OGDHL: variants seen among roughly 807,000 people sequenced by gnomAD.
OGDHL encodes the protein oxoglutarate dehydrogenase L.
A neutral mutation model predicts 109.6 loss-of-function variants in OGDHL; 79 were observed. The ratio of observed to expected loss-of-function variants is 0.72; its 90% CI spans 0.60 to 0.87. The LOEUF is 0.87. Among genes scored for constraint, OGDHL ranks in the 40% least tolerant of loss-of-function variants. The pLI, the probability that OGDHL is intolerant of heterozygous loss-of-function variation, is 0.00. For missense variants in OGDHL, 1,275 were observed against 1,362.2 expected, an observed-to-expected ratio of 0.94 and a Z score of 1.01; for synonymous variants, 528 against 537.2, an observed-to-expected ratio of 0.98 and a Z score of 0.24.
chr10:49,744,837 C>A, intron 12 of OGDHL, 85 bp from the exon 13 acceptor site: 3 of 1,072,108 alleles, frequency 2.8e-6, no homozygotes, highest in South Asian at 2.6e-5. Context: ...AAGTCCTGGT[C>A]CCCATCACCA....
intron 3 of OGDHL, among the ~76,000 whole-genome samples, chr10:49,753,527 A>T (rs1842738096): frequency 6.6e-6 from 1 of 152,246 alleles, no homozygotes; most frequent in Non-Finnish European, 1.5e-5. Flanking sequence ...CTAATGGAAC[A>T]TTCCCTAAAG....
At chr10:49,756,634 G>A in intron 3 of OGDHL, 142 bp downstream of exon 3, 1 of 772,078 alleles carries the variant, frequency 1.3e-6, no homozygotes, top group African/African-American at 1.7e-5. Context: ...ACTGGCTAGA[G>A]GAGTAGGTGC....
chr10:49,741,664 C>T (rs115935770), intron 15 of OGDHL, among the ~76,000 whole-genome samples: 1,691 of 151,072 alleles, frequency 0.011, 34 homozygotes, highest in African/African-American at 0.038. Context: ...CATACATACA[C>T]ATGCCACACA....
intron 1 of OGDHL, among the ~76,000 whole-genome samples, chr10:49,760,498 AG>A (rs1299670696): frequency 6.6e-6 from 1 of 152,248 alleles, no homozygotes; most frequent in Non-Finnish European, 1.5e-5. Flanking sequence ...CTGAAGCATC[AG>A]GGAGAATCTT....
chr10:49,759,428 C>T (rs1843130084), intron 1 of OGDHL, among the ~76,000 whole-genome samples: 1 of 152,050 alleles, frequency 6.6e-6, no homozygotes, highest in South Asian at 2.1e-4. Context: ...GCTCATCTCA[C>T]CTCACTCTGT....
intron 20 of OGDHL, 136 bp from the exon 21 acceptor site, chr10:49,736,656 A>G (rs1032486503): frequency 2.3e-6 from 2 of 872,264 alleles, no homozygotes; most frequent in African/African-American, 1.7e-5. Flanking sequence ...TGCAGTGGAC[A>G]CCTCTTGAAC....
intron 3 of OGDHL, 59 bp from the exon 4 acceptor site, chr10:49,752,799 G>C: frequency 8.0e-7 from 1 of 1,252,790 alleles, no homozygotes; most frequent in South Asian, 1.3e-5. Flanking sequence ...ACCTCCTCCA[G>C]GGTAAGGCTC....
intron 16 of OGDHL, 113 bp from the exon 17 acceptor site, chr10:49,739,952 A>G (rs1028627163): frequency 4.1e-5 from 45 of 1,095,556 alleles, no homozygotes; most frequent in Admixed American, 5.2e-5. Flanking sequence ...TCCTTCTCAC[A>G]AGCCAGGACG....
chr10:49,745,972 T>A lies in OGDHL; in HGVS notation c.1302A>T (p.Gly434=). 6.2e-7 allele frequency: 1 copy of A among 1,613,798 alleles called. No homozygotes were observed. Among genetic ancestry groups the A allele is most frequent in the Non-Finnish European group, 8.5e-7 (1 of 1,179,774 alleles). Reference sequence around the variant, plus strand: ...GGGCCATTCGGGGGTCTGTGGTGAATCCAATCTGCAGAGGCAGGAGAAACC... The same window carrying A: ...GGGCCATTCGGGGGTCTGTGGTGAAACCAATCTGCAGAGGCAGGAGAAACC... ...TVHVVVNNQI[G]FTTDPRMARS... The change falls in exon 11 of 23, where the codon GGA becomes GGT. Residue 434 remains glycine, a synonymous_variant. Transcript: ENST00000374103.
intron 14 of OGDHL, chr10:49,743,766 G>A: frequency 2.1e-6 from 1 of 468,722 alleles, no homozygotes; most frequent in South Asian, 3.0e-5. Flanking sequence ...ACTAGTCACT[G>A]GTACCCAGCT....
chr10:49,758,542 C>G lies in OGDHL; in HGVS notation c.51G>C (p.Arg17Ser), dbSNP rs1440712042. 2 of 1,613,864 alleles carry G rather than the reference C, an allele frequency of 1.2e-6. No individual in the cohort carries two copies. Among genetic ancestry groups the G allele is most frequent in the East Asian group, 4.5e-5 (2 of 44,872 alleles). The change falls in exon 2 of 23, where the codon AGG becomes AGC. Residue 17 changes from arginine to serine, a missense_variant. By Grantham distance (110) the Arg-to-Ser change is moderately radical. Coordinates refer to ENST00000374103, the MANE Select transcript of OGDHL (RefSeq NM_018245.3). ...CCGGGACGTCATGTGCAGCCAGGAG[C>G]CTCGCAGCCTGTACCCCAAGACGGG... ...LPSRLGVQAARLLAAHDVPVF... is the reference protein window; with the variant it reads ...LPSRLGVQAASLLAAHDVPVF...
chr10:49,745,348 A>G lies in OGDHL; in HGVS notation c.1625T>C (p.Phe542Ser). The change falls in exon 12 of 23, where the codon TTT (phenylalanine) becomes TCT (serine). Residue 542 changes from phenylalanine to serine, a missense_variant. Coordinates refer to ENST00000374103, the MANE Select transcript of OGDHL (RefSeq NM_018245.3). ...CCCTGCAGCCTGCCTGCCCACCTCA[A>G]ACTCCTGCAGGGTGACTGTGCCCTC... ...IAEGTVTLQE[F>S]EEEIAKYDRI... 6.2e-7 allele frequency: 1 copy of G among 1,613,566 alleles called. No homozygotes were observed. Among genetic ancestry groups the G allele is most frequent in the Non-Finnish European group, 8.5e-7 (1 of 1,179,954 alleles).
Position 49,737,818 on chromosome 10 carries a change from T to A in OGDHL, c.2558A>T (p.Glu853Val). 6.2e-7 allele frequency: 1 copy of A among 1,614,192 alleles called. No homozygotes were observed. The highest frequency in any genetic ancestry group is 8.5e-7 in the Non-Finnish European group (1 of 1,180,030). Reference protein sequence around the residue: ...FTPKSLLRHPEAKSSFDQMVS... With the variant: ...FTPKSLLRHPVAKSSFDQMVS... ...CATTTGGTCAAAGCTGGACTTGGCC[T>A]CTGGGTGCCTCAGCAGAGATTTAGG... Residue 853 changes from glutamate (E) to valine (V), a missense_variant, in exon 20 of 23, where the codon GAG becomes GTG. Coordinates refer to ENST00000374103, the MANE Select transcript of OGDHL (RefSeq NM_018245.3).
At chr10:49,742,658 C>T (rs1299545697) in intron 15 of OGDHL, among the ~76,000 whole-genome samples, 170 bp downstream of exon 15, 1 of 152,072 alleles carries the variant, frequency 6.6e-6, no homozygotes, top group East Asian at 1.9e-4. Context: ...GAGCTCTGCA[C>T]ACTTGCCCTG....
In OGDHL at chr10:49,737,825, G is replaced by A; in HGVS notation, c.2551C>T (p.His851Tyr). The change falls in exon 20 of 23, where the codon CAC becomes TAC. Residue 851 changes from histidine to tyrosine, a missense_variant. Transcript: ENST00000374103. ...TCAAAGCTGGACTTGGCCTCTGGGT[G>A]CCTCAGCAGAGATTTAGGTGTGAAG... ...IIFTPKSLLR[H>Y]PEAKSSFDQM... 6.2e-7 allele frequency: 1 copy of A among 1,614,216 alleles called. No individual in the cohort carries two copies. Among genetic ancestry groups the A allele is most frequent in the South Asian group, 1.1e-5 (1 of 91,080 alleles).
At chr10:49,758,811 A>G in intron 1 of OGDHL, 1 of 596,130 alleles carries the variant, frequency 1.7e-6, no homozygotes, top group Non-Finnish European at 3.0e-6. Flanking sequence ...ATAGATATCA[A>G]ACAGCCCTGA....
Position 49,744,644 on chromosome 10 carries a change from G to A in OGDHL, c.1732+6C>T, listed in dbSNP as rs201290188. On this transcript the variant is annotated splice_donor_region_variant and intron_variant, in intron 13 of 22. Transcript: ENST00000374103. Reference sequence around the variant, plus strand: ...AGTCCCTCTGAGCCACACACTGCTCGCTCACCAGGCCAGGGGGAGTCCAAC... The same window carrying A: ...AGTCCCTCTGAGCCACACACTGCTCACTCACCAGGCCAGGGGGAGTCCAAC... 531 of 1,612,106 alleles carry A rather than the reference G, an allele frequency of 3.3e-4. 5 individuals are homozygous for A. The South Asian group carries it at 5.1e-3, about 15-fold the overall frequency.
In OGDHL at chr10:49,749,796, G is replaced by A; in HGVS notation, c.917C>T (p.Ala306Val). The change falls in exon 8 of 23, where the codon GCC becomes GTC. Residue 306 changes from alanine to valine, a missense_variant. Physicochemically the swap from Ala to Val is moderately conservative, Grantham distance 64 (BLOSUM62 0). Coordinates refer to ENST00000374103, the MANE Select transcript of OGDHL (RefSeq NM_018245.3). The stretch of plus-strand genomic sequence containing the variant: ...CTCCAGGTCCTTGCGGATCACGTTG[G>A]CCAGCACGTTCAGCCTTCCCCTGGA... ...MPHRGRLNVLANVIRKDLEQI... is the reference protein window; with the variant it reads ...MPHRGRLNVLVNVIRKDLEQI... 2 of 1,599,698 alleles carry A rather than the reference G, an allele frequency of 1.3e-6. No homozygotes were observed. The highest frequency in any genetic ancestry group is 8.5e-7 in the Non-Finnish European group (1 of 1,176,648).
At chr10:49,757,696 T>C (rs553457110) in intron 2 of OGDHL, among the ~76,000 whole-genome samples, 1 of 152,334 alleles carries the variant, frequency 6.6e-6, no homozygotes, top group South Asian at 2.1e-4. Context: ...AGGCTCTTCA[T>C]GTACTGATAT....
Sources: gnomAD v4.1 joint callset for allele counts (sites outside exome capture counted in the v4.1 genomes callset) on GRCh38, gnomAD v4.1.1 for gene constraint, MANE v1.5 for transcripts, NCBI Gene and HGNC (gene_info 2026-07-23, HGNC 2026-07-21) for gene names.